Variants in CALN1 observed in about 807,000 individuals in gnomAD.
The protein encoded by CALN1 is calcium-binding protein 8.
Under a neutral mutation model 30.6 loss-of-function variants are expected in CALN1, and 17 were observed. The observed-to-expected ratio is 0.56, with a 90% CI of 0.38 to 0.83. The LOEUF (loss-of-function observed/expected upper bound fraction) is 0.83. Among genes scored for constraint, CALN1 ranks in the 40% least tolerant of loss-of-function variants. The pLI is 0.00. For missense variants in CALN1, 291 were observed against 354.9 expected, an observed-to-expected ratio of 0.82 and a Z score of 1.45; for synonymous variants, 156 against 131.4, an observed-to-expected ratio of 1.19 and a Z score of -1.28.
At position 72,320,281 on chromosome 7, in the gene CALN1, C is replaced by T. The variant is rs564635963; in HGVS notation, c.120-41471G>A. On this transcript the variant is annotated intron_variant, in intron 2 of 6. Coordinates refer to ENST00000395275, the MANE Select transcript of CALN1 (RefSeq NM_031468.4). ...GACCCCAGCCTACGACCTTGCAAAA[C>T]GGTAGAGCAATCCAGTACCATTCAG... 1.6e-4 allele frequency among the ~76,000 whole-genome samples: 24 copies of T among 152,274 alleles called. No homozygotes were observed. The South Asian group carries it at 3.1e-3, about 20-fold the overall frequency.
At chr7:71,827,041 G>C (rs547238785) in intron 5 of CALN1, among the ~76,000 whole-genome samples, 1 of 152,342 alleles carries the variant, frequency 6.6e-6, no homozygotes, top group South Asian at 2.1e-4. Context: ...CGTAGGGATA[G>C]GGTGCAGCCG....
intron 2 of CALN1, among the ~76,000 whole-genome samples, chr7:72,317,233 AGAAG>A (rs1023497600): frequency 5.3e-5 from 6 of 113,792 alleles, no homozygotes; most frequent in East Asian, 6.2e-4. Context: ...GAAAGAGAAG[AGAAG>A]GAAGGAAGGA....
At chr7:72,247,625 T>A (rs1251781850) in intron 3 of CALN1, among the ~76,000 whole-genome samples, 1 of 152,140 alleles carries the variant, frequency 6.6e-6, no homozygotes, top group East Asian at 1.9e-4. Context: ...GGTAACATAG[T>A]CCCCTGGTAG....
chr7:72,135,957 A>G (rs1809480593), intron 3 of CALN1, among the ~76,000 whole-genome samples: 2 of 151,606 alleles, frequency 1.3e-5, no homozygotes, highest in African/African-American at 4.9e-5. Flanking sequence ...ACATAGTAAA[A>G]CCCCATCTCT....
intron 5 of CALN1, among the ~76,000 whole-genome samples, chr7:71,994,652 A>C (rs1174919633): frequency 6.6e-6 from 1 of 152,124 alleles, no homozygotes; most frequent in African/African-American, 2.4e-5. Context: ...GCAAAAGTTT[A>C]ATAGGCGAAA....
chr7:72,413,207 A>ACG (rs1807287265), upstream of CALN1, among the ~76,000 whole-genome samples: 2 of 151,702 alleles, frequency 1.3e-5, no homozygotes, highest in South Asian at 4.1e-4. Context: ...CCACTCACAC[A>ACG]CACACACTCA....
intron 5 of CALN1, among the ~76,000 whole-genome samples, chr7:71,921,187 C>T (rs1794927563): frequency 6.6e-6 from 1 of 152,006 alleles, no homozygotes; most frequent in Non-Finnish European, 1.5e-5. Flanking sequence ...AGATACATCA[C>T]ACACACACAC....
intron 3 of CALN1, among the ~76,000 whole-genome samples, chr7:72,189,478 T>A (rs557354309): frequency 9.2e-5 from 14 of 152,326 alleles, no homozygotes; most frequent in African/African-American, 2.9e-4. Context: ...TACTGCAGGC[T>A]GGGCATGGTG....
intron 2 of CALN1, among the ~76,000 whole-genome samples, chr7:72,290,098 A>T (rs1798375727): frequency 2.3e-5 from 2 of 86,250 alleles, no homozygotes; most frequent in Non-Finnish European, 4.7e-5. Flanking sequence ...AAAAAAAAAA[A>T]AAAAAAAAAA....
At chr7:71,920,013 A>T (rs1227777935) in intron 5 of CALN1, among the ~76,000 whole-genome samples, 1 of 152,202 alleles carries the variant, frequency 6.6e-6, no homozygotes, top group Admixed American at 6.5e-5. Flanking sequence ...GAGTAAACAC[A>T]TGCTTTTCTC....
chr7:72,230,981 T>C (rs1794056045), intron 3 of CALN1, among the ~76,000 whole-genome samples: 1 of 152,086 alleles, frequency 6.6e-6, no homozygotes, highest in South Asian at 2.1e-4. Flanking sequence ...CGTGATGAAA[T>C]CTTATACCAT....
intron 3 of CALN1, among the ~76,000 whole-genome samples, chr7:72,266,306 A>G (rs1796592671): frequency 6.6e-6 from 1 of 152,234 alleles, no homozygotes; most frequent in African/African-American, 2.4e-5. Flanking sequence ...TAAGGTTGAA[A>G]GCCACCAATG....
At chr7:72,431,813 C>T (rs569627025) in intron 1 of CALN1, among the ~76,000 whole-genome samples, 3 of 149,998 alleles carry the variant, frequency 2.0e-5, no homozygotes, top group Admixed American at 6.7e-5. Flanking sequence ...TTACACTACT[C>T]CAACTGGGGC....
intron 3 of CALN1, among the ~76,000 whole-genome samples, chr7:72,251,681 A>C (rs1795569482): frequency 6.6e-6 from 1 of 152,138 alleles, no homozygotes; most frequent in Non-Finnish European, 1.5e-5. Context: ...GATTACAGGC[A>C]TAAGCCACCA....
chr7:72,055,824 C>T lies in CALN1; in HGVS notation c.389-32055G>A, dbSNP rs1803220060. Among the ~76,000 whole-genome samples, 2 of 151,768 alleles carry T rather than the reference C, an allele frequency of 1.3e-5. 1 individual carries two copies. The highest frequency in any genetic ancestry group is 4.2e-4 in the South Asian group (2 of 4,796). ...GCTAGAAGTTTGAAACCAGCCTAGG[C>T]AACATAGCAAGACCTCATTTCCACA... On this transcript the variant is annotated intron_variant, in intron 4 of 6. Transcript: ENST00000395275.
At chr7:72,231,831 G>C (rs1339804725) in intron 3 of CALN1, among the ~76,000 whole-genome samples, 1 of 152,130 alleles carries the variant, frequency 6.6e-6, no homozygotes, top group Non-Finnish European at 1.5e-5. Flanking sequence ...GGCTGTCAGG[G>C]TAAGAGTAGA....
chr7:72,364,520 T>C (rs1803765859), intron 2 of CALN1, among the ~76,000 whole-genome samples: 1 of 152,210 alleles, frequency 6.6e-6, no homozygotes, highest in African/African-American at 2.4e-5. Flanking sequence ...TTTGTGTCTC[T>C]CTCTCTTTTA....
At chr7:71,859,907 G>C (rs1181497407) in intron 5 of CALN1, among the ~76,000 whole-genome samples, 1 of 152,158 alleles carries the variant, frequency 6.6e-6, no homozygotes, top group East Asian at 1.9e-4. Flanking sequence ...GTATGATTAA[G>C]GGAACAGATT....
At chr7:71,962,467 C>G (rs1797298322) in intron 5 of CALN1, among the ~76,000 whole-genome samples, 1 of 152,128 alleles carries the variant, frequency 6.6e-6, no homozygotes, top group Non-Finnish European at 1.5e-5. Flanking sequence ...CGAGTCCATG[C>G]TGCGAACTGC....
Sources: gnomAD v4.1 joint callset for allele counts (sites outside exome capture counted in the v4.1 genomes callset) on GRCh38, gnomAD v4.1.1 for gene constraint, MANE v1.5 for transcripts, NCBI Gene and HGNC (gene_info 2026-07-23, HGNC 2026-07-21) for gene names.